The following NPC1 variants were observed in gnomAD, a reference collection of about 807,000 sequenced individuals.
NPC1 encodes NPC intracellular cholesterol transporter 1.
A neutral mutation model predicts 140.4 loss-of-function variants in NPC1; 85 were observed. The observed-to-expected ratio is 0.61, with a 90% CI of 0.51 to 0.72. The LOEUF (loss-of-function observed/expected upper bound fraction) is 0.72, where lower values mean the gene tolerates loss of function less well. NPC1 is among the 30% of genes least tolerant of loss of function. The pLI is 0.00. For missense variants in NPC1, 1,504 were observed against 1,623.8 expected (o/e 0.93, Z 1.27); for synonymous variants, 656 against 624.8 (o/e 1.05, Z -0.74).
At chr18:23,511,653 CT>C (rs879564586) in intron 3 of NPC1, among the ~76,000 whole-genome samples, 467 of 140,802 alleles carry the variant, frequency 3.3e-3, no homozygotes, top group Non-Finnish European at 3.8e-3. Context: ...TTGCAGCTAG[CT>C]TTTTTTTTTT....
At chr18:23,537,363 C>A (rs2058647650) in intron 20 of NPC1, among the ~76,000 whole-genome samples, 1 of 152,218 alleles carries the variant, frequency 6.6e-6, no homozygotes, top group Admixed American at 6.5e-5. Flanking sequence ...AGGTGTGAGC[C>A]ACTTCGCCTG....
At chr18:23,539,496 A>C (rs1159553357) in intron 18 of NPC1, 26 bp from the exon 19 acceptor site, 1 of 1,483,174 alleles carries the variant, frequency 6.7e-7, no homozygotes, top group Admixed American at 1.7e-5. Context: ...AGGGTTACTG[A>C]CCTGCTCCAC....
At position 23,534,477 on chromosome 18, in the gene NPC1, G is replaced by A. The variant is rs113371321; in HGVS notation, c.3560C>T (p.Ala1187Val). ...GCCCATGTGGGCAAGTGCCTCTTCCGCGCGCTCCACGCGGCTGCCTTTCAT... is the reference window on the plus strand; with the variant it reads ...GCCCATGTGGGCAAGTGCCTCTTCCACGCGCTCCACGCGGCTGCCTTTCAT... The part of the protein sequence containing the change: ...VSMKGSRVER[A>V]EEALAHMGSS... Residue 1187 changes from alanine (A) to valine (V), a missense_variant, in exon 23 of 25, where the codon GCG (alanine) becomes GTG (valine). Ala to Val is a moderately conservative substitution (Grantham distance 64). Coordinates refer to ENST00000269228, the MANE Select transcript of NPC1 (RefSeq NM_000271.5). The A allele has an allele frequency of 4.6e-5, 74 of 1,613,908 alleles. 1 individual carries two copies. The highest frequency in any genetic ancestry group is 4.3e-4 in the Admixed American group (26 of 60,034).
chr18:23,529,902 G>A (rs556676898), downstream of NPC1: 99 of 1,092,112 alleles, frequency 9.1e-5, no homozygotes, highest in Middle Eastern at 6.5e-4. Context: ...CCTGCATGAC[G>A]AAACCACTTC....
At chr18:23,559,089 G>C (rs996396105) in intron 6 of NPC1, among the ~76,000 whole-genome samples, 3 of 152,280 alleles carry the variant, frequency 2.0e-5, no homozygotes, top group African/African-American at 7.2e-5. Flanking sequence ...TCCATGGTGT[G>C]TATGTGCCAC....
Position 23,540,577 on chromosome 18 carries a change from T to C in NPC1, c.2515-40A>G, listed in dbSNP as rs868314915. On this transcript the variant is annotated intron_variant, in intron 16 of 24. Transcript: ENST00000269228. ...GAATCATAAGACAGAGACTGCTTAG[T>C]AAATAAGCTTACGACCAGAAATAAA... is the stretch of plus-strand genomic sequence containing the variant. 3.7e-6 allele frequency: 5 copies of C among 1,343,864 alleles called. No homozygotes were observed. The Middle Eastern group carries it at 7.1e-4, about 192-fold the overall frequency. 83.2% of individuals were successfully genotyped at this position (1,343,864 alleles called of 1,614,324 possible).
intron 1 of NPC1, among the ~76,000 whole-genome samples, chr18:23,582,877 A>C (rs2059373026): frequency 6.6e-6 from 1 of 151,968 alleles, no homozygotes; most frequent in South Asian, 2.1e-4. Flanking sequence ...TTGGGAGGCC[A>C]AGGTGGGAGG....
downstream of NPC1, among the ~76,000 whole-genome samples, chr18:23,531,017 CAG>C (rs766183566): frequency 2.6e-5 from 4 of 151,678 alleles, no homozygotes; most frequent in Non-Finnish European, 4.4e-5. Context: ...TTTTTTGAGA[CAG>C]AGTCTCGCTC....
chr18:23,562,377 A>G (rs993866955), intron 4 of NPC1, among the ~76,000 whole-genome samples: 1 of 151,990 alleles, frequency 6.6e-6, no homozygotes, highest in Non-Finnish European at 1.5e-5. Flanking sequence ...AACACATTAT[A>G]TAAGGATAGT....
At chr18:23,547,973 AG>A in intron 11 of NPC1, 32 bp downstream of exon 11, 1 of 1,229,938 alleles carries the variant, frequency 8.1e-7, no homozygotes, top group Non-Finnish European at 1.2e-6. Context: ...CCACAATGCA[AG>A]GACAGTCTGC....
In NPC1 at chr18:23,534,709, C is replaced by A. The variant is rs2058599889; in HGVS notation, c.3478-150G>T. The A allele has an allele frequency of 1.3e-5, 9 of 707,216 alleles. No individual in the cohort carries two copies. In the East Asian group the frequency reaches 2.4e-4, roughly 19 times the overall value. The allele number at this position is 707,216 out of a possible 1,614,324, so 43.8% of individuals were successfully genotyped here. On this transcript the variant is annotated intron_variant, in intron 22 of 24. Transcript: ENST00000269228. ...CATTGGACTTACAAGGCCTCCATCA[C>A]ACCAATCTTACTGTACCAGGAACTT...
rs1689667817 is a variant in NPC1 at position 23,586,465 on chromosome 18, G to C, written c.-122C>G. The C allele has an allele frequency of 2.7e-6, 4 of 1,463,596 alleles. No homozygotes were observed. The African/African-American group carries it at 5.9e-5, about 21-fold the overall frequency. 90.7% of individuals were successfully genotyped at this position (1,463,596 alleles called of 1,614,324 possible). A position where few individuals can be genotyped will look rare whatever the true frequency, so the allele number is the denominator to read the frequency against. ...CAGGAGGAGCGGAGGAGCAGGAGCA[G>C]GCGCTGACCGCGGCAGCAGGCTGCG... On this transcript the variant is annotated 5_prime_UTR_variant, in exon 1 of 25. Coordinates refer to ENST00000269228, the MANE Select transcript of NPC1 (RefSeq NM_000271.5).
At chr18:23,557,740 CAA>C (rs1205333488) in intron 6 of NPC1, among the ~76,000 whole-genome samples, 2 of 147,998 alleles carry the variant, frequency 1.4e-5, no homozygotes, top group African/African-American at 4.9e-5. Context: ...GACTCCATCT[CAA>C]AAAAACAAAC....
chr18:23,509,480 C>T (rs2057791933), intron 3 of NPC1: 2 of 265,560 alleles, frequency 7.5e-6, no homozygotes. Flanking sequence ...AGCAATCCTC[C>T]TGCCTCAGTC....
chr18:23,526,872 C>A, downstream of NPC1: 1 of 1,426,664 alleles, frequency 7.0e-7, no homozygotes, highest in Non-Finnish European at 9.4e-7. Context: ...CTGTGACCCA[C>A]AGCCTCATTC....
intron 14 of NPC1, 56 bp from the exon 15 acceptor site, chr18:23,541,489 C>G: frequency 6.2e-7 from 1 of 1,611,938 alleles, no homozygotes; most frequent in Non-Finnish European, 8.5e-7. Flanking sequence ...GGGCTCTCTG[C>G]AGGTCTTATG....
chr18:23,540,677 G>A, intron 16 of NPC1, 140 bp from the exon 17 acceptor site: 3 of 718,716 alleles, frequency 4.2e-6, no homozygotes, highest in East Asian at 2.7e-5. Context: ...GGAGTACAGG[G>A]CAGTGGGTGA....
At chr18:23,529,471 C>T, downstream of NPC1, 1 of 1,258,894 alleles carries the variant, frequency 7.9e-7, no homozygotes, top group Non-Finnish European at 1.1e-6. Flanking sequence ...AGGCCTAAAG[C>T]ATAATTGTTG....
intron 8 of NPC1, among the ~76,000 whole-genome samples, chr18:23,556,031 C>T (rs1425629212): frequency 6.6e-6 from 1 of 152,200 alleles, no homozygotes; most frequent in Non-Finnish European, 1.5e-5. Flanking sequence ...GAAGTAAATA[C>T]AAAAGTGAGC....
Sources: allele counts gnomAD v4.1 joint callset (sites outside exome capture counted in the v4.1 genomes callset), GRCh38; gene constraint gnomAD v4.1.1; transcripts MANE v1.5; gene names NCBI Gene and HGNC (gene_info 2026-07-23, HGNC 2026-07-21).